The following RAB36 variants were observed in gnomAD, a reference collection of about 807,000 sequenced individuals.
RAB36 encodes the protein ras-related protein Rab-36.
Under a neutral mutation model 39.3 loss-of-function variants are expected in RAB36, and 33 were observed. That is an observed-to-expected ratio of 0.84 (90% confidence interval 0.64 to 1.12). RAB36 has a LOEUF of 1.12. Ranked by LOEUF, RAB36 falls within the 50% of genes most tolerant of loss-of-function variation. The pLI is 0.00. For synonymous variants in RAB36, 133 were observed against 140.2 expected (o/e 0.95, Z 0.36); for missense variants, 308 against 355.3 (o/e 0.87, Z 1.07).
intron 2 of RAB36, among the ~76,000 whole-genome samples, chr22:23,148,309 T>C (rs1328560722): frequency 6.6e-6 from 1 of 152,172 alleles, no homozygotes. Flanking sequence ...CAGTGGTAAC[T>C]AGGGATGACA....
intron 1 of RAB36, 118 bp downstream of exon 1, chr22:23,145,669 T>C (rs1298039582): frequency 2.1e-5 from 25 of 1,217,258 alleles, no homozygotes; most frequent in Non-Finnish European, 3.4e-6. Context: ...CCCTATAACT[T>C]GAAAGCGGCC....
intron 2 of RAB36, 70 bp from the exon 3 acceptor site, chr22:23,149,993 C>T (rs187621124): frequency 1.5e-5 from 18 of 1,240,308 alleles, no homozygotes; most frequent in Non-Finnish European, 2.0e-5. Flanking sequence ...CATCTCCCCT[C>T]ACTGCTTGGC....
intron 1 of RAB36, 97 bp from the exon 2 acceptor site, chr22:23,146,508 A>G (rs1242310141): frequency 1.3e-6 from 2 of 1,496,528 alleles, no homozygotes; most frequent in Non-Finnish European, 1.8e-6. Context: ...CACTGCACCC[A>G]GCCTGGATCT....
At chr22:23,152,427 A>C in intron 3 of RAB36, 34 bp from the exon 4 acceptor site, 2 of 1,612,940 alleles carry the variant, frequency 1.2e-6, no homozygotes, top group East Asian at 2.2e-5. Flanking sequence ...CCTGGAAGGC[A>C]TGCCCGACGG....
intron 6 of RAB36, 198 bp downstream of exon 6, chr22:23,156,230 C>T (rs2071445158): frequency 3.6e-6 from 2 of 548,650 alleles, no homozygotes; most frequent in Admixed American, 3.4e-5. Flanking sequence ...GGCGATCACA[C>T]CCTTTAAGGA....
chr22:23,158,187 C>T, intron 7 of RAB36, 144 bp downstream of exon 7: 1 of 1,492,264 alleles, frequency 6.7e-7, no homozygotes, highest in Non-Finnish European at 8.9e-7. Context: ...TGCCCACGGA[C>T]TACTTACTGT....
In RAB36 at chr22:23,154,744, C is replaced by G. The variant is rs78159059; in HGVS notation, c.330-1224C>G. On this transcript the variant is annotated intron_variant, in intron 5 of 10. Coordinates refer to ENST00000263116, the MANE Select transcript of RAB36 (RefSeq NM_004914.5). ...AGGCCACCACCACCAGCTCCTCCCCCAGAGTCTTCAGAAATGAAAGAAAAT... is the reference window on the plus strand; with the variant it reads ...AGGCCACCACCACCAGCTCCTCCCCGAGAGTCTTCAGAAATGAAAGAAAAT... 9.8e-3 allele frequency among the ~76,000 whole-genome samples: 1,491 copies of G among 152,300 alleles called. 28 individuals carry two copies. The highest frequency in any genetic ancestry group is 0.034 in the African/African-American group (1,433 of 41,546).
Position 23,146,382 on chromosome 22 carries a change from G to T in RAB36, c.-12-223G>T, listed in dbSNP as rs9612243. ...CCACCATGCCCTGCTAATTTTTTTG[G>T]TTTTTTTTTGTAGAGACTGAGGTTT... On this transcript the variant is annotated intron_variant, in intron 1 of 10. Transcript: ENST00000263116. Among the ~76,000 whole-genome samples, 93,489 of 151,022 alleles carry T rather than the reference G, an allele frequency of 0.62. 29,398 individuals are homozygous for T. The highest frequency in any genetic ancestry group is 0.96 in the East Asian group (4,906 of 5,106).
chr22:23,148,757 T>C (rs532542469), intron 2 of RAB36, among the ~76,000 whole-genome samples: 3 of 152,302 alleles, frequency 2.0e-5, no homozygotes, highest in African/African-American at 7.2e-5. Context: ...CCTGCAGCCT[T>C]CATTATCACA....
chr22:23,164,626 G>A lies in RAB36; in HGVS notation c.*3062G>A, dbSNP rs2071992045. 6.6e-6 allele frequency among the ~76,000 whole-genome samples: 1 copy of A among 152,166 alleles called. No individual in the cohort carries two copies. The highest frequency in any genetic ancestry group is 6.5e-5 in the Admixed American group (1 of 15,280). On this transcript the variant is annotated 3_prime_UTR_variant, in exon 11 of 11. Coordinates refer to ENST00000263116, the MANE Select transcript of RAB36 (RefSeq NM_004914.5). Reference sequence around the variant, plus strand: ...GGCAGAGGCACTTTCTGTTGGTCTGGTCTTGTGGGCCCAGGCAAGCAGCCC... The same window carrying A: ...GGCAGAGGCACTTTCTGTTGGTCTGATCTTGTGGGCCCAGGCAAGCAGCCC...
At chr22:23,166,513 G>A (rs1569227267), downstream of RAB36, among the ~76,000 whole-genome samples, 1 of 152,072 alleles carries the variant, frequency 6.6e-6, no homozygotes, top group African/African-American at 2.4e-5. Flanking sequence ...ACTCAGCATA[G>A]AGGTGCTTCC....
At position 23,164,573 on chromosome 22, in the gene RAB36, T is replaced by C. The variant is rs2071989925; in HGVS notation, c.*3009T>C. On this transcript the variant is annotated 3_prime_UTR_variant, in exon 11 of 11. Coordinates refer to ENST00000263116, the MANE Select transcript of RAB36 (RefSeq NM_004914.5). ...TGATTTAATGAAGACATTTCCTTCT[T>C]TCCCAGCATCGGGCAGTAAGTTTCC... Among the ~76,000 whole-genome samples the C allele has an allele frequency of 6.6e-6, 1 of 152,188 alleles. No individual in the cohort carries two copies. The highest frequency in any genetic ancestry group is 1.5e-5 in the Non-Finnish European group (1 of 68,030).
intron 1 of RAB36, 41 bp downstream of exon 1, chr22:23,145,592 C>T: frequency 1.9e-6 from 3 of 1,571,148 alleles, no homozygotes; most frequent in Non-Finnish European, 2.6e-6. Context: ...TCCCGGTCAC[C>T]CAACCCCGTG....
downstream of RAB36, among the ~76,000 whole-genome samples, chr22:23,165,913 A>G (rs954568118): frequency 2.0e-5 from 3 of 152,132 alleles, no homozygotes; most frequent in African/African-American, 7.2e-5. Flanking sequence ...TTGGGAGGCC[A>G]AGGCGGGCGG....
In RAB36 at chr22:23,160,815, C is replaced by T. The variant is rs147667341; in HGVS notation, c.620-64C>T. On this transcript the variant is annotated intron_variant, in intron 9 of 10. Transcript: ENST00000263116. ...AGGGTAGGCTAGCCTGGCTTTCACA[C>T]CCAGATGCATTAAGGGGCAAGGAGA... The T allele has an allele frequency of 2.1e-4, 335 of 1,571,854 alleles. 1 individual carries two copies. The African/African-American group carries it at 4.0e-3, about 19-fold the overall frequency.
At chr22:23,152,928 T>C in intron 4 of RAB36, 105 bp from the exon 5 acceptor site, 8 of 808,482 alleles carry the variant, frequency 9.9e-6, no homozygotes, top group Non-Finnish European at 1.7e-5. Context: ...CGCTTCCTGA[T>C]GGGAAGTGGA....
Position 23,161,801 on chromosome 22 carries a change from G to T in RAB36, c.*237G>T, listed in dbSNP as rs1054428260. 62 of 536,708 alleles carry T rather than the reference G, an allele frequency of 1.2e-4. No homozygotes were observed. The highest frequency in any genetic ancestry group is 2.4e-5 in the Non-Finnish European group (7 of 297,256). 33.2% of individuals were successfully genotyped at this position (536,708 alleles called of 1,614,324 possible). ...CTGCCTGGGAGCCCCACACCACCGG[G>T]CCAGTGCAGGCACTGTGGTGATCCC... On this transcript the variant is annotated 3_prime_UTR_variant, in exon 11 of 11. Coordinates refer to ENST00000263116, the MANE Select transcript of RAB36 (RefSeq NM_004914.5).
At chr22:23,145,427 C>T (rs1569201432), upstream of RAB36, 2 of 1,610,748 alleles carry the variant, frequency 1.2e-6, no homozygotes, top group Middle Eastern at 1.7e-4. Flanking sequence ...ACGCAGACCC[C>T]GCCCACGACG....
At chr22:23,158,108 C>T in intron 7 of RAB36, 65 bp downstream of exon 7, 1 of 1,601,500 alleles carries the variant, frequency 6.2e-7, no homozygotes, top group South Asian at 1.1e-5. Flanking sequence ...GAAGGGCTCC[C>T]AGACCCTGGC....
Sources: gnomAD v4.1 joint callset for allele counts (sites outside exome capture counted in the v4.1 genomes callset) on GRCh38, gnomAD v4.1.1 for gene constraint, MANE v1.5 for transcripts, NCBI Gene and HGNC (gene_info 2026-07-23, HGNC 2026-07-21) for gene names.